Variants in MYOM1 observed in about 807,000 individuals in gnomAD.
MYOM1 encodes myomesin-1.
A neutral mutation model predicts 205.3 loss-of-function variants in MYOM1; 164 were observed. The ratio of observed to expected loss-of-function variants is 0.80; its 90% CI spans 0.70 to 0.91. MYOM1 has a LOEUF of 0.91. Ranked by LOEUF, MYOM1 falls within the 40% of genes least tolerant of loss-of-function variation. MYOM1 has a pLI of 0.00. For synonymous variants in MYOM1, 772 were observed against 789.4 expected, an observed-to-expected ratio of 0.98 and a Z score of 0.37; for missense variants, 2,011 against 2,127.3, an observed-to-expected ratio of 0.95 and a Z score of 1.08.
intron 25 of MYOM1, among the ~76,000 whole-genome samples, chr18:3,095,189 C>T (rs922265264): frequency 6.6e-6 from 1 of 151,984 alleles, no homozygotes; most frequent in Non-Finnish European, 1.5e-5. Context: ...AGAAGGTGGG[C>T]TTTGGAGTCC....
chr18:3,214,025 C>G (rs1006753712), intron 2 of MYOM1, among the ~76,000 whole-genome samples: 1 of 152,154 alleles, frequency 6.6e-6, no homozygotes, highest in South Asian at 2.1e-4. Flanking sequence ...GGTCAATAAA[C>G]CTAATTTTGT....
Position 3,168,995 on chromosome 18 carries a change from T to A in MYOM1, c.1175-14A>T. 1 of 1,593,002 alleles carries A rather than the reference T, an allele frequency of 6.3e-7. No individual in the cohort carries two copies. The highest frequency in any genetic ancestry group is 1.1e-5 in the South Asian group (1 of 87,778). ...GGGTCACACCAACTGGGTACAAAAA[T>A]AACAAATATCAGTAATTTTTTTCTT... On this transcript the variant is annotated splice_polypyrimidine_tract_variant and intron_variant, in intron 8 of 37. Transcript: ENST00000356443.
intron 36 of MYOM1, 37 bp downstream of exon 36, chr18:3,075,417 G>A (rs755878584): frequency 7.6e-6 from 12 of 1,586,706 alleles, no homozygotes; most frequent in African/African-American, 1.3e-5. Context: ...ATCTATCCCA[G>A]GAGTACTTGT....
chr18:3,120,131 G>A (rs1419104726), intron 19 of MYOM1, 136 bp from the exon 20 acceptor site: 1 of 1,198,236 alleles, frequency 8.3e-7, no homozygotes, highest in Non-Finnish European at 1.1e-6. Flanking sequence ...CACCCCTTTT[G>A]TAATCTCCTG....
At chr18:3,205,609 T>A (rs2081115595) in intron 2 of MYOM1, among the ~76,000 whole-genome samples, 1 of 152,172 alleles carries the variant, frequency 6.6e-6, no homozygotes, top group Non-Finnish European at 1.5e-5. Context: ...TCCCCATACA[T>A]TTTTGTGGGA....
At chr18:3,210,590 T>G (rs895023745) in intron 2 of MYOM1, among the ~76,000 whole-genome samples, 5 of 152,214 alleles carry the variant, frequency 3.3e-5, no homozygotes, top group Non-Finnish European at 7.3e-5. Context: ...GGGTTTTCTT[T>G]GTTAGAATTT....
rs748697727 is a variant in MYOM1, at chr18:3,086,103, T to G, written c.4186A>C (p.Arg1396=). The G allele has an allele frequency of 1.2e-6, 2 of 1,612,168 alleles. No individual in the cohort carries two copies. Among genetic ancestry groups the G allele is most frequent in the Non-Finnish European group, 8.5e-7 (1 of 1,179,324 alleles). ...TGCTTTTCATCCACTGATATCTCCC[T>G]CTCATCTTTGTACCACACAATATGA... ...ETHIVWYKDE[R]EISVDEKHDF... The change falls in exon 30 of 38, where the codon AGG becomes CGG. Residue 1396 remains arginine (R), a synonymous_variant. Coordinates refer to ENST00000356443, the MANE Select transcript of MYOM1 (RefSeq NM_003803.4).
chr18:3,081,118 G>A (rs1275232237), intron 33 of MYOM1, among the ~76,000 whole-genome samples: 4 of 148,854 alleles, frequency 2.7e-5, no homozygotes, highest in Non-Finnish European at 5.9e-5. Flanking sequence ...GTGACAGAGT[G>A]AGACTCCGTC....
intron 14 of MYOM1, among the ~76,000 whole-genome samples, chr18:3,137,702 GCA>G (rs141850007): frequency 5.7e-4 from 87 of 152,204 alleles, no homozygotes; most frequent in African/African-American, 1.9e-3. Flanking sequence ...TTGTTAGTGG[GCA>G]CAAAAATACA....
At chr18:3,120,018 G>T (rs371583383) in intron 19 of MYOM1, 23 bp from the exon 20 acceptor site, 6 of 1,551,642 alleles carry the variant, frequency 3.9e-6, no homozygotes, top group Admixed American at 4.2e-5. Flanking sequence ...CAACATCACA[G>T]ATACTGAATG....
the MYOM1 span, among the ~76,000 whole-genome samples, chr18:3,245,720 C>A: frequency 2.0e-5 from 3 of 152,204 alleles, no homozygotes; most frequent in Non-Finnish European, 4.4e-5. Flanking sequence ...CATGCTGCTC[C>A]CTCTGCCTGG....
intron 2 of MYOM1, among the ~76,000 whole-genome samples, chr18:3,199,771 TGGA>T (rs1567965188): frequency 6.6e-6 from 1 of 151,328 alleles, no homozygotes; most frequent in Non-Finnish European, 1.5e-5. Context: ...ACCCGGGAGG[TGGA>T]GGTTGCAGCG....
rs1440195981 is a variant in MYOM1 at position 3,079,245 on chromosome 18, T to C, written c.4582A>G (p.Lys1528Glu). ...CCATCAAAGAGCTCCATGACATACTTCCCTTTGTCATTCGGGGTGGGCTCG... is the reference window on the plus strand; with the variant it reads ...CCATCAAAGAGCTCCATGACATACTCCCCTTTGTCATTCGGGGTGGGCTCG... ...INEPTPNDKG[K>E]YVMELFDGKT... The change falls in exon 34 of 38, where the codon AAG (lysine) becomes GAG (glutamate). Residue 1528 changes from lysine (K) to glutamate (E), a missense_variant. By Grantham distance (56) the Lys-to-Glu change is moderately conservative. Transcript: ENST00000356443. 1.2e-6 allele frequency: 2 copies of C among 1,613,836 alleles called. No homozygotes were observed. Among genetic ancestry groups the C allele is most frequent in the Non-Finnish European group, 1.7e-6 (2 of 1,179,862 alleles).
At chr18:3,227,217 T>C in the MYOM1 span, among the ~76,000 whole-genome samples, 2 of 152,212 alleles carry the variant, frequency 1.3e-5, no homozygotes, top group African/African-American at 2.4e-5. Context: ...TTTTTTTACT[T>C]GATTTTAAGA....
At chr18:3,089,510 TTC>T in intron 28 of MYOM1, 25 bp downstream of exon 28, 1 of 1,567,956 alleles carries the variant, frequency 6.4e-7, no homozygotes, top group Non-Finnish European at 8.7e-7. Flanking sequence ...ATTAAAAATT[TTC>T]TCTTTATCCA....
intron 25 of MYOM1, among the ~76,000 whole-genome samples, chr18:3,095,708 C>T (rs181758141): frequency 2.6e-5 from 4 of 152,256 alleles, no homozygotes; most frequent in African/African-American, 4.8e-5. Flanking sequence ...AACTGCACCC[C>T]AGGAGACAGT....
At chr18:3,137,616 T>A (rs1039990538) in intron 14 of MYOM1, among the ~76,000 whole-genome samples, 25 of 152,154 alleles carry the variant, frequency 1.6e-4, no homozygotes, top group African/African-American at 5.1e-4. Flanking sequence ...CTAAAAAATT[T>A]GATCTCATGG....
chr18:3,085,074 T>G lies in MYOM1; in HGVS notation c.4310A>C (p.Asp1437Ala). ...ATCCACAAGCTTCAGTCTGCTCTTA[T>G]CTTTTCCTCGGTCATCTTTCAGGAT... The part of the protein sequence containing the change: ...EVILKDDRGK[D>A]KSRLKLVDEA... Residue 1437 changes from aspartate to alanine, a missense_variant, in exon 31 of 38, where the codon GAT becomes GCT. Coordinates refer to ENST00000356443, the MANE Select transcript of MYOM1 (RefSeq NM_003803.4). 1.9e-6 allele frequency: 3 copies of G among 1,608,850 alleles called. No individual in the cohort carries two copies. Among genetic ancestry groups the G allele is most frequent in the Non-Finnish European group, 2.5e-6 (3 of 1,177,506 alleles).
At chr18:3,158,284 T>C (rs1293471080) in intron 10 of MYOM1, among the ~76,000 whole-genome samples, 1 of 152,214 alleles carries the variant, frequency 6.6e-6, no homozygotes, top group African/African-American at 2.4e-5. Flanking sequence ...TGGGTAGACA[T>C]TGGTTTTCAT....
Sources: gnomAD v4.1 joint callset for allele counts (sites outside exome capture counted in the v4.1 genomes callset) on GRCh38, gnomAD v4.1.1 for gene constraint, MANE v1.5 for transcripts, NCBI Gene and HGNC (gene_info 2026-07-23, HGNC 2026-07-21) for gene names.